The following PPIL6 variants were observed in gnomAD, a reference collection of about 807,000 sequenced individuals.
The protein encoded by PPIL6 is peptidylprolyl isomerase like 6, also known as probable inactive peptidyl-prolyl cis-trans isomerase-like 6.
PPIL6 carries 39 observed loss-of-function variants against 36.8 expected under a neutral mutation model. The ratio of observed to expected loss-of-function variants is 1.06; its 90% CI spans 0.82 to 1.38. The LOEUF (loss-of-function observed/expected upper bound fraction) is 1.38, where lower values mean the gene tolerates loss of function less well. Ranked by LOEUF, PPIL6 falls within the 40% of genes most tolerant of loss-of-function variation. PPIL6 has a pLI of 0.00. For synonymous variants in PPIL6, 123 were observed against 134.1 expected, an observed-to-expected ratio of 0.92 and a Z score of 0.57; for missense variants, 368 against 379.1, an observed-to-expected ratio of 0.97 and a Z score of 0.24.
intron 6 of PPIL6, among the ~76,000 whole-genome samples, chr6:109,406,069 AGTCT>A (rs1329525967): frequency 1.3e-5 from 2 of 151,874 alleles, no homozygotes; most frequent in African/African-American, 4.8e-5. Context: ...GCAGGGTCTC[AGTCT>A]GTCACCCAGG....
Position 109,431,362 on chromosome 6 carries a change from C to CAAAAAA in PPIL6, c.232-23_232-18dup. 18 of 1,075,514 alleles carry CAAAAAA rather than the reference C, an allele frequency of 1.7e-5. No individual in the cohort carries two copies. In the African/African-American group the frequency reaches 2.1e-4, roughly 12 times the overall value. The allele number at this position is 1,075,514 out of a possible 1,614,324, so 66.6% of individuals were successfully genotyped here. A position where few individuals can be genotyped will look rare whatever the true frequency, so the allele number is the denominator to read the frequency against. ...TTTGAGTTCCTGTAAGGGAAAAGGA[C>CAAAAAA]AAAAAAAAAAAAAAACGTAAGAAGT... is the stretch of plus-strand genomic sequence containing the variant. On this transcript the variant is annotated splice_polypyrimidine_tract_variant and intron_variant, in intron 2 of 7. Coordinates refer to ENST00000521072, the MANE Select transcript of PPIL6 (RefSeq NM_173672.5).
intron 1 of PPIL6, among the ~76,000 whole-genome samples, chr6:109,438,056 GTTT>G (rs908893205): frequency 1.3e-5 from 2 of 151,908 alleles, no homozygotes; most frequent in African/African-American, 4.8e-5. Context: ...TTTACATTTT[GTTT>G]TTTATTTTTC....
chr6:109,425,316 C>T (rs1466205796), intron 5 of PPIL6, among the ~76,000 whole-genome samples: 1 of 152,160 alleles, frequency 6.6e-6, no homozygotes, highest in Non-Finnish European at 1.5e-5. Flanking sequence ...AAATATGACC[C>T]AAGATCTGTG....
At chr6:109,403,072 T>C in intron 6 of PPIL6, 1 of 1,532,530 alleles carries the variant, frequency 6.5e-7, no homozygotes, top group Non-Finnish European at 8.7e-7. Flanking sequence ...GCTTTCCTTC[T>C]GCCTCTTTAC....
intron 7 of PPIL6, among the ~76,000 whole-genome samples, chr6:109,397,535 T>C (rs1369148581): frequency 6.6e-6 from 1 of 152,226 alleles, no homozygotes; most frequent in Non-Finnish European, 1.5e-5. Flanking sequence ...TTGTACCTTG[T>C]CGCTCTTTTT....
chr6:109,429,217 T>C (rs1773992286), intron 3 of PPIL6, among the ~76,000 whole-genome samples: 1 of 152,224 alleles, frequency 6.6e-6, no homozygotes, highest in African/African-American at 2.4e-5. Context: ...CGGGCTTTCA[T>C]TATGTCCAGC....
At chr6:109,402,065 T>C (rs115208136) in intron 6 of PPIL6, among the ~76,000 whole-genome samples, 46 of 152,276 alleles carry the variant, frequency 3.0e-4, no homozygotes, top group African/African-American at 1.1e-3. Flanking sequence ...GTCATTGCTT[T>C]TACATATTCT....
chr6:109,440,921 C>T (rs1774835990), upstream of PPIL6: 6 of 588,188 alleles, frequency 1.0e-5, no homozygotes, highest in Non-Finnish European at 1.7e-5. Context: ...GGCGGCCCGC[C>T]TGATTGGGAA....
chr6:109,405,171 A>G, intron 6 of PPIL6: 1 of 224,448 alleles, frequency 4.5e-6, no homozygotes, highest in Non-Finnish European at 9.2e-6. Context: ...CCTTTTAACT[A>G]CCACTCAGGC....
At chr6:109,399,524 T>G (rs1197025157) in intron 7 of PPIL6, among the ~76,000 whole-genome samples, 1 of 152,202 alleles carries the variant, frequency 6.6e-6, no homozygotes, top group Non-Finnish European at 1.5e-5. Flanking sequence ...TGCCTCAGCC[T>G]CCGGAGTGGC....
At position 109,392,608 on chromosome 6, in the gene PPIL6, G is replaced by T. The variant is rs1772135384; in HGVS notation, c.*218C>A. ...AGAACCATCTCTCATGGCCACCCGT[G>T]GCTGCAAAGGAGTCTAGGAAATTGA... On this transcript the variant is annotated 3_prime_UTR_variant, in exon 8 of 8. Coordinates refer to ENST00000521072, the MANE Select transcript of PPIL6 (RefSeq NM_173672.5). 6 of 464,088 alleles carry T rather than the reference G, an allele frequency of 1.3e-5. No individual in the cohort carries two copies. The South Asian group carries it at 2.1e-4, about 17-fold the overall frequency. 28.7% of individuals were successfully genotyped at this position (464,088 alleles called of 1,614,324 possible).
intron 5 of PPIL6, among the ~76,000 whole-genome samples, chr6:109,423,803 G>C (rs9487099): frequency 0.067 from 10,212 of 152,140 alleles, 405 homozygotes; most frequent in South Asian, 0.14. Context: ...ATAATGACTT[G>C]CTATCTTAAC....
intron 7 of PPIL6, among the ~76,000 whole-genome samples, chr6:109,397,709 T>G (rs1483029618): frequency 6.6e-6 from 1 of 152,074 alleles, no homozygotes; most frequent in Non-Finnish European, 1.5e-5. Context: ...GAGGTGGTAA[T>G]GGAGGCACTA....
intron 7 of PPIL6, among the ~76,000 whole-genome samples, chr6:109,395,831 CTTTTTTTT>C (rs35305087): frequency 9.4e-6 from 1 of 106,588 alleles, no homozygotes; most frequent in Non-Finnish European, 1.8e-5. Flanking sequence ...GTCTCGATCT[CTTTTTTTT>C]TTTTTTTTTT....
chr6:109,396,120 C>T (rs1234717092), intron 7 of PPIL6, among the ~76,000 whole-genome samples: 1 of 152,164 alleles, frequency 6.6e-6, no homozygotes, highest in Non-Finnish European at 1.5e-5. Flanking sequence ...TCTAACTTCT[C>T]AATGTCTTGA....
intron 2 of PPIL6, 65 bp downstream of exon 2, chr6:109,436,039 G>T: frequency 1.2e-6 from 1 of 839,590 alleles, no homozygotes; most frequent in Non-Finnish European, 2.1e-6. Flanking sequence ...CCAAAACAAT[G>T]CATAAATAAT....
At chr6:109,414,056 C>T (rs1424085588) in intron 6 of PPIL6, among the ~76,000 whole-genome samples, 1 of 152,038 alleles carries the variant, frequency 6.6e-6, no homozygotes, top group African/African-American at 2.4e-5. Context: ...TTTGATAGAA[C>T]AAGAGGGCAA....
intron 6 of PPIL6, chr6:109,402,931 A>G: frequency 1.4e-6 from 1 of 733,810 alleles, no homozygotes; most frequent in Non-Finnish European, 2.1e-6. Context: ...TATTAACTCT[A>G]ACTAGCTTTG....
intron 6 of PPIL6, among the ~76,000 whole-genome samples, chr6:109,406,120 T>C (rs1035679288): frequency 2.6e-5 from 4 of 151,924 alleles, no homozygotes; most frequent in South Asian, 2.1e-4. Context: ...ATGATGATCA[T>C]GGCTCACTGC....
Sources: allele counts gnomAD v4.1 joint callset (sites outside exome capture counted in the v4.1 genomes callset), GRCh38; gene constraint gnomAD v4.1.1; transcripts MANE v1.5; gene names NCBI Gene and HGNC (gene_info 2026-07-23, HGNC 2026-07-21).